Variants in ROBO2 observed in about 807,000 individuals in gnomAD.
ROBO2 encodes the protein roundabout homolog 2.
ROBO2 carries 53 observed loss-of-function variants against 160.8 expected under a neutral mutation model. The ratio of observed to expected loss-of-function variants is 0.33; its 90% CI spans 0.26 to 0.41. The LOEUF (loss-of-function observed/expected upper bound fraction) is 0.41. Ranked by LOEUF, ROBO2 falls within the 10% of genes least tolerant of loss-of-function variation. The pLI is 1.00. For missense variants in ROBO2, 1,577 were observed against 1,722.4 expected (o/e 0.92, Z 1.49); for synonymous variants, 664 against 611.7 (o/e 1.09, Z -1.26).
At chr3:77,110,306 G>A (rs1347229442) in intron 2 of ROBO2, among the ~76,000 whole-genome samples, 1 of 151,984 alleles carries the variant, frequency 6.6e-6, no homozygotes. Context: ...TACTACTTTA[G>A]GATACTTTCT....
At chr3:77,575,143 C>T (rs990282405) in intron 14 of ROBO2, among the ~76,000 whole-genome samples, 2 of 152,098 alleles carry the variant, frequency 1.3e-5, no homozygotes, top group Non-Finnish European at 2.9e-5. Context: ...CCTATGGGCA[C>T]TGCCAGTCAA....
rs369119935 is a variant in ROBO2 at position 76,886,844 on chromosome 3, A to G, written c.110-211170A>G. On this transcript the variant is annotated intron_variant, in intron 2 of 26. Transcript: ENST00000487694. ...CTATTTGAGTTGGTGGCCACTAGCT[A>G]TATGTGGCTACTTAAATGTAAGTTA... Among the ~76,000 whole-genome samples the G allele has an allele frequency of 3.1e-4, 47 of 152,318 alleles. No individual in the cohort carries two copies. In the South Asian group the frequency reaches 9.7e-3, roughly 32 times the overall value.
chr3:77,489,156 G>GACAGCACATCCTAATAC (rs1249540004), intron 4 of ROBO2, among the ~76,000 whole-genome samples: 1 of 152,122 alleles, frequency 6.6e-6, no homozygotes, highest in Non-Finnish European at 1.5e-5. Flanking sequence ...TCACATGTTG[G>GACAGCACATCCTAATAC]ACAGCACATC....
chr3:76,461,935 G>A (rs564175792), intron 2 of ROBO2, among the ~76,000 whole-genome samples: 20 of 152,162 alleles, frequency 1.3e-4, no homozygotes, highest in African/African-American at 4.1e-4. Flanking sequence ...TAAGCATAAC[G>A]TAAGCATAAA....
At chr3:76,534,596 G>GGA (rs2082395922) in intron 2 of ROBO2, among the ~76,000 whole-genome samples, 1 of 152,094 alleles carries the variant, frequency 6.6e-6, no homozygotes, top group Non-Finnish European at 1.5e-5. Context: ...GGCAAAGAGA[G>GGA]GAATGTCCCA....
chr3:76,657,034 T>C (rs531597318), intron 2 of ROBO2, among the ~76,000 whole-genome samples: 105 of 152,292 alleles, frequency 6.9e-4, no homozygotes, highest in African/African-American at 2.2e-3. Context: ...TTTTCCTTTT[T>C]CTCTTTAGAT....
At chr3:76,393,442 A>G (rs2077257015) in intron 2 of ROBO2, among the ~76,000 whole-genome samples, 1 of 152,180 alleles carries the variant, frequency 6.6e-6, no homozygotes, top group Non-Finnish European at 1.5e-5. Flanking sequence ...ATTAGAAAAA[A>G]GTAGTTTGTG....
chr3:76,898,006 C>T (rs1456613071), intron 2 of ROBO2, among the ~76,000 whole-genome samples: 2 of 152,060 alleles, frequency 1.3e-5, no homozygotes, highest in East Asian at 1.9e-4. Flanking sequence ...CATGTCAACA[C>T]ATTCCTGATG....
intron 2 of ROBO2, among the ~76,000 whole-genome samples, chr3:76,396,073 G>A (rs1160185487): frequency 1.3e-5 from 2 of 152,032 alleles, no homozygotes; most frequent in African/African-American, 2.4e-5. Flanking sequence ...AAAATCCTCA[G>A]TAAAATTCTG....
intron 2 of ROBO2, among the ~76,000 whole-genome samples, chr3:76,116,654 C>G (rs1407144407): frequency 6.6e-6 from 1 of 152,032 alleles, no homozygotes; most frequent in Non-Finnish European, 1.5e-5. Context: ...TTACCAGAGT[C>G]AAGGACTCAC....
At chr3:76,508,493 A>G (rs2080910046) in intron 2 of ROBO2, among the ~76,000 whole-genome samples, 2 of 152,166 alleles carry the variant, frequency 1.3e-5, no homozygotes, top group Non-Finnish European at 2.9e-5. Flanking sequence ...GTGACAGTGA[A>G]TATTTGTCTG....
At chr3:77,214,303 T>G (rs1165459575) in intron 2 of ROBO2, among the ~76,000 whole-genome samples, 1 of 152,218 alleles carries the variant, frequency 6.6e-6, no homozygotes, top group African/African-American at 2.4e-5. Context: ...TTAGCTCTTC[T>G]TGTTGAATTG....
chr3:77,142,996 A>G (rs934027477), intron 2 of ROBO2, among the ~76,000 whole-genome samples: 10 of 152,250 alleles, frequency 6.6e-5, no homozygotes, highest in Middle Eastern at 3.4e-3. Context: ...GCCGGGAGAA[A>G]TGAAGTAACT....
At chr3:77,101,276 G>C (rs2071885267) in intron 2 of ROBO2, among the ~76,000 whole-genome samples, 1 of 152,010 alleles carries the variant, frequency 6.6e-6, no homozygotes, top group Non-Finnish European at 1.5e-5. Flanking sequence ...ATGAGAAGTA[G>C]AGGATGATTA....
intron 2 of ROBO2, among the ~76,000 whole-genome samples, chr3:76,055,051 C>T (rs2067788297): frequency 6.6e-6 from 1 of 152,172 alleles, no homozygotes; most frequent in South Asian, 2.1e-4. Flanking sequence ...TTCTACATTG[C>T]TAGAGAGGCC....
intron 2 of ROBO2, among the ~76,000 whole-genome samples, chr3:76,248,706 A>G (rs1057432668): frequency 7.2e-5 from 11 of 151,912 alleles, no homozygotes; most frequent in Admixed American, 4.6e-4. Context: ...ATCTAAAATG[A>G]TCTTCCAACT....
At chr3:76,910,543 T>C (rs915767277) in intron 2 of ROBO2, among the ~76,000 whole-genome samples, 1 of 151,732 alleles carries the variant, frequency 6.6e-6, no homozygotes, top group Non-Finnish European at 1.5e-5. Flanking sequence ...CTGGCCAGCA[T>C]GGTGAAACCC....
intron 2 of ROBO2, among the ~76,000 whole-genome samples, chr3:76,768,905 T>C (rs1221821373): frequency 6.6e-6 from 1 of 151,452 alleles, no homozygotes; most frequent in Non-Finnish European, 1.5e-5. Context: ...GTCTATTTAA[T>C]GTCCCTTTAT....
At chr3:77,050,198 T>C (rs879451145) in intron 1 of ROBO2, among the ~76,000 whole-genome samples, 11 of 152,176 alleles carry the variant, frequency 7.2e-5, no homozygotes, top group Non-Finnish European at 1.3e-4. Context: ...ATAAAGTAAA[T>C]TTTAATACGT....
Sources: gnomAD v4.1 joint callset for allele counts (sites outside exome capture counted in the v4.1 genomes callset) on GRCh38, gnomAD v4.1.1 for gene constraint, MANE v1.5 for transcripts, NCBI Gene and HGNC (gene_info 2026-07-23, HGNC 2026-07-21) for gene names.